Variants in DPP10 observed in about 807,000 individuals in gnomAD.
DPP10 encodes the protein dipeptidyl peptidase like 10, also known as inactive dipeptidyl peptidase 10.
A neutral mutation model predicts 120.9 loss-of-function variants in DPP10; 33 were observed. That is an observed-to-expected ratio of 0.27 (90% confidence interval 0.21 to 0.37). DPP10 has a LOEUF of 0.37. Ranked by LOEUF, DPP10 falls within the 10% of genes least tolerant of loss-of-function variation. The pLI, the probability that DPP10 is intolerant of heterozygous loss-of-function variation, is 1.00. For synonymous variants in DPP10, 337 were observed against 326.1 expected, an observed-to-expected ratio of 1.03 and a Z score of -0.36; for missense variants, 816 against 942.8, an observed-to-expected ratio of 0.87 and a Z score of 1.76.
chr2:114,831,612 C>A (rs920832547), intron 1 of DPP10, among the ~76,000 whole-genome samples: 9 of 151,986 alleles, frequency 5.9e-5, no homozygotes, highest in Non-Finnish European at 1.0e-4. Context: ...GCAGAAAGCA[C>A]GAGCAATAAA....
chr2:115,466,438 A>T (rs924474188), intron 3 of DPP10, among the ~76,000 whole-genome samples: 8 of 152,200 alleles, frequency 5.3e-5, no homozygotes, highest in African/African-American at 1.7e-4. Context: ...AATCATAATG[A>T]AAACTAGTCT....
chr2:115,013,909 C>G (rs528855325), intron 1 of DPP10, among the ~76,000 whole-genome samples: 1 of 152,106 alleles, frequency 6.6e-6, no homozygotes, highest in East Asian at 1.9e-4. Flanking sequence ...ACTTTAACAG[C>G]CCACTATCAA....
intron 3 of DPP10, among the ~76,000 whole-genome samples, chr2:115,366,661 G>C (rs544110056): frequency 6.6e-6 from 1 of 152,022 alleles, no homozygotes; most frequent in Non-Finnish European, 1.5e-5. Context: ...TTGAAGGAAG[G>C]TCTGTCTATC....
chr2:114,776,047 T>G (rs1182916919), intron 1 of DPP10, among the ~76,000 whole-genome samples: 1 of 152,180 alleles, frequency 6.6e-6, no homozygotes, highest in Admixed American at 6.5e-5. Context: ...GTCAAGAATG[T>G]CTTCCCAGAG....
chr2:115,727,682 T>C, intron 7 of DPP10, 134 bp from the exon 8 acceptor site: 2 of 911,868 alleles, frequency 2.2e-6, no homozygotes, highest in East Asian at 3.3e-5. Flanking sequence ...TAAAAACATA[T>C]GCCTTGAATA....
At chr2:114,959,291 G>T (rs1005235830) in intron 1 of DPP10, among the ~76,000 whole-genome samples, 2 of 152,120 alleles carry the variant, frequency 1.3e-5, no homozygotes, top group African/African-American at 4.8e-5. Flanking sequence ...CCATAGATTT[G>T]CCTATTCTAG....
At chr2:115,657,689 C>T (rs572838871) in intron 5 of DPP10, among the ~76,000 whole-genome samples, 20 of 151,730 alleles carry the variant, frequency 1.3e-4, no homozygotes, top group African/African-American at 4.8e-4. Flanking sequence ...TTTTGAGCAA[C>T]CTAAATGCGT....
intron 19 of DPP10, among the ~76,000 whole-genome samples, chr2:115,802,245 C>T (rs1349951919): frequency 9.9e-5 from 15 of 152,000 alleles, no homozygotes; most frequent in Admixed American, 2.0e-4. Context: ...TATTCTCTGA[C>T]GGTAGTTTGT....
intron 1 of DPP10, among the ~76,000 whole-genome samples, chr2:114,860,195 T>C (rs949771184): frequency 2.6e-5 from 4 of 152,230 alleles, no homozygotes; most frequent in African/African-American, 9.6e-5. Context: ...TAAGATTAAA[T>C]GTGGGCTCTA....
At chr2:115,732,189 C>G in intron 8 of DPP10, among the ~76,000 whole-genome samples, 1 of 152,054 alleles carries the variant, frequency 6.6e-6, no homozygotes, top group East Asian at 1.9e-4. Flanking sequence ...AACATTTCAA[C>G]TTTTTTAAAA....
At chr2:115,468,436 C>T in intron 3 of DPP10, 1 of 460,848 alleles carries the variant, frequency 2.2e-6, no homozygotes, top group South Asian at 1.6e-5. Context: ...AATCCCAGGG[C>T]TGGCCACTGT....
At chr2:115,786,640 T>C (rs1475323332) in intron 17 of DPP10, among the ~76,000 whole-genome samples, 4 of 152,208 alleles carry the variant, frequency 2.6e-5, no homozygotes, top group Non-Finnish European at 5.9e-5. Flanking sequence ...TTGTAAGTTC[T>C]CTGGCTTTCT....
At chr2:115,269,774 C>T (rs1387452543) in intron 1 of DPP10, among the ~76,000 whole-genome samples, 4 of 152,112 alleles carry the variant, frequency 2.6e-5, no homozygotes. Flanking sequence ...GTCTAGCCCA[C>T]ATTCAAGGAA....
chr2:115,592,536 C>T (rs1206686154), intron 5 of DPP10, among the ~76,000 whole-genome samples: 1 of 151,044 alleles, frequency 6.6e-6, no homozygotes, highest in Non-Finnish European at 1.5e-5. Context: ...AGATCAAGAC[C>T]ATCCTGGCCA....
At chr2:115,381,950 C>G (rs539268664) in intron 3 of DPP10, among the ~76,000 whole-genome samples, 331 of 152,238 alleles carry the variant, frequency 2.2e-3, no homozygotes, top group Non-Finnish European at 3.8e-3. Flanking sequence ...CCACTGCTCT[C>G]TTCAAAGCTG....
intron 2 of DPP10, among the ~76,000 whole-genome samples, chr2:115,340,804 T>A (rs2063406451): frequency 6.6e-6 from 1 of 151,840 alleles, no homozygotes; most frequent in East Asian, 1.9e-4. Context: ...TAAGGATCAT[T>A]TAAGTTTGTT....
At chr2:114,495,010 G>T (rs920684576) in intron 1 of DPP10, among the ~76,000 whole-genome samples, 2 of 151,820 alleles carry the variant, frequency 1.3e-5, no homozygotes, top group Non-Finnish European at 2.9e-5. Flanking sequence ...AAATTTGGAG[G>T]TCTTTAAAAA....
intron 3 of DPP10, among the ~76,000 whole-genome samples, chr2:115,476,055 G>A (rs1252981036): frequency 2.0e-5 from 3 of 152,114 alleles, no homozygotes. Flanking sequence ...GAGAAGATAT[G>A]ATTGTATTTT....
intron 1 of DPP10, among the ~76,000 whole-genome samples, chr2:115,249,739 A>AT (rs1331824844): frequency 6.6e-6 from 1 of 152,078 alleles, no homozygotes; most frequent in Non-Finnish European, 1.5e-5. Flanking sequence ...GGGAACTTTG[A>AT]TTTTCTTCCT....
Sources: gnomAD v4.1 joint callset for allele counts (sites outside exome capture counted in the v4.1 genomes callset) on GRCh38, gnomAD v4.1.1 for gene constraint, MANE v1.5 for transcripts, NCBI Gene and HGNC (gene_info 2026-07-23, HGNC 2026-07-21) for gene names.